MRRF: variants seen among roughly 807,000 people sequenced by gnomAD.
MRRF encodes mitochondrial ribosome recycling factor.
Under a neutral mutation model 25.1 loss-of-function variants are expected in MRRF, and 18 were observed. The ratio of observed to expected loss-of-function variants is 0.72; its 90% CI spans 0.50 to 1.06. MRRF has a LOEUF of 1.06. Ranked by LOEUF, MRRF falls within the 50% of genes least tolerant of loss-of-function variation. The probability of loss-of-function intolerance (pLI) is 0.00; values close to 1 mark genes in which losing one functional copy is unlikely to be tolerated. For missense variants in MRRF, 323 were observed against 319.3 expected, an observed-to-expected ratio of 1.01 and a Z score of -0.09; for synonymous variants, 113 against 112.1, an observed-to-expected ratio of 1.01 and a Z score of -0.05.
intron 6 of MRRF, among the ~76,000 whole-genome samples, chr9:122,322,069 T>C (rs1835922915): frequency 6.6e-6 from 1 of 152,170 alleles, no homozygotes. Context: ...TTAAAAAGAA[T>C]GTATATATAG....
intron 5 of MRRF, among the ~76,000 whole-genome samples, chr9:122,299,999 C>T (rs1834346387): frequency 6.6e-6 from 1 of 151,942 alleles, no homozygotes; most frequent in Non-Finnish European, 1.5e-5. Flanking sequence ...CAGCAGATGT[C>T]TGGGAAAGAC....
chr9:122,296,983 C>T (rs547116427), intron 5 of MRRF, among the ~76,000 whole-genome samples: 6 of 152,256 alleles, frequency 3.9e-5, no homozygotes, highest in East Asian at 1.9e-4. Context: ...CCTTCATCAG[C>T]GTCTCTGTTG....
chr9:122,314,665 A>G (rs1220431932), intron 6 of MRRF, among the ~76,000 whole-genome samples: 1 of 152,022 alleles, frequency 6.6e-6, no homozygotes, highest in Admixed American at 6.6e-5. Context: ...TTTTTTTTAG[A>G]TGATGGAGAG....
chr9:122,322,005 A>G (rs560481515), intron 6 of MRRF, among the ~76,000 whole-genome samples: 18 of 152,154 alleles, frequency 1.2e-4, no homozygotes, highest in Non-Finnish European at 2.2e-4. Context: ...CAGTTTTCCT[A>G]TCTGCAAAAT....
At chr9:122,308,920 A>G (rs1835038236) in intron 5 of MRRF, among the ~76,000 whole-genome samples, 1 of 151,938 alleles carries the variant, frequency 6.6e-6, no homozygotes, top group African/African-American at 2.4e-5. Context: ...CCAGGCTTGT[A>G]TTTTAGTCAT....
At chr9:122,301,155 C>T (rs1429503866) in intron 5 of MRRF, among the ~76,000 whole-genome samples, 1 of 152,136 alleles carries the variant, frequency 6.6e-6, no homozygotes, top group African/African-American at 2.4e-5. Flanking sequence ...AGGGAGTGTC[C>T]TGGATAACAG....
At chr9:122,301,979 C>T (rs1200798339) in intron 5 of MRRF, among the ~76,000 whole-genome samples, 1 of 151,340 alleles carries the variant, frequency 6.6e-6, no homozygotes, top group Non-Finnish European at 1.5e-5. Context: ...CCTGGCCTCA[C>T]GTGATCCACC....
chr9:122,309,078 C>T (rs1004231406), intron 5 of MRRF, among the ~76,000 whole-genome samples: 2 of 152,202 alleles, frequency 1.3e-5, no homozygotes, highest in Non-Finnish European at 2.9e-5. Flanking sequence ...TACTATTCTA[C>T]TTTCCGTCTC....
intron 2 of MRRF, 35 bp downstream of exon 2, chr9:122,271,110 C>A (rs1188658946): frequency 1.3e-6 from 2 of 1,573,436 alleles, no homozygotes; most frequent in South Asian, 1.1e-5. Context: ...TACTTCACCC[C>A]TTTCTTATAG....
At chr9:122,290,205 A>G (rs1054229218) in intron 4 of MRRF, among the ~76,000 whole-genome samples, 1 of 152,222 alleles carries the variant, frequency 6.6e-6, no homozygotes, top group African/African-American at 2.4e-5. Flanking sequence ...TAACTCTGCC[A>G]GTAACTGGAA....
chr9:122,304,062 A>AACACACACACACACACACACACAC (rs66775611), intron 5 of MRRF, among the ~76,000 whole-genome samples: 154 of 139,872 alleles, frequency 1.1e-3, no homozygotes, highest in African/African-American at 4.0e-3. Flanking sequence ...ACCCTTTTCT[A>AACACACACACACACACACACACAC]ACACACACAC....
intron 3 of MRRF, among the ~76,000 whole-genome samples, chr9:122,282,272 A>G (rs569438530): frequency 6.6e-6 from 1 of 152,132 alleles, no homozygotes; most frequent in East Asian, 1.9e-4. Flanking sequence ...ACCTTTTAAC[A>G]GTTGTCTAGA....
chr9:122,272,665 C>T (rs1489487180), intron 2 of MRRF, among the ~76,000 whole-genome samples: 3 of 152,120 alleles, frequency 2.0e-5, no homozygotes, highest in Non-Finnish European at 4.4e-5. Flanking sequence ...ATTAGGGATG[C>T]TCATTCTTTG....
At chr9:122,316,802 T>A (rs145907064) in intron 6 of MRRF, among the ~76,000 whole-genome samples, 32 of 151,778 alleles carry the variant, frequency 2.1e-4, no homozygotes, top group Admixed American at 7.2e-4. Flanking sequence ...TTTTGGAATA[T>A]TTCTTTTTTC....
intron 5 of MRRF, among the ~76,000 whole-genome samples, chr9:122,297,897 C>T (rs901443197): frequency 1.3e-5 from 2 of 152,064 alleles, no homozygotes; most frequent in African/African-American, 4.8e-5. Flanking sequence ...TTAGGAAACC[C>T]GATTGGTATT....
chr9:122,308,699 CAAAAAAAA>C (rs776774424), intron 5 of MRRF, among the ~76,000 whole-genome samples: 1 of 60,106 alleles, frequency 1.7e-5, no homozygotes, highest in Admixed American at 1.8e-4. Flanking sequence ...ACTCCATCTC[CAAAAAAAA>C]AAAAAAAAAA....
intron 4 of MRRF, chr9:122,285,662 G>C (rs770450439): frequency 3.5e-5 from 28 of 798,230 alleles, no homozygotes; most frequent in Non-Finnish European, 4.7e-5. Flanking sequence ...TGTAGGCCTG[G>C]TAATCAGTGT....
In MRRF at chr9:122,299,610, TGAAAA is replaced by T. The variant is rs368063280; in HGVS notation, c.551+7774_551+7778del. Among the ~76,000 whole-genome samples the T allele has an allele frequency of 2.8e-4, 43 of 152,016 alleles. No individual in the cohort carries two copies. The East Asian group carries it at 8.2e-3, about 29-fold the overall frequency. ...TACTTTAGAGATTAAATATAGATAA[TGAAAA>T]GAAGAGGTTTGGGGACTAAGCCTTG... On this transcript the variant is annotated intron_variant, in intron 5 of 6. Transcript: ENST00000344641.
chr9:122,289,621 G>A (rs1695632395), intron 4 of MRRF, among the ~76,000 whole-genome samples: 1 of 151,592 alleles, frequency 6.6e-6, no homozygotes, highest in South Asian at 2.1e-4. Flanking sequence ...AAGGAAGATG[G>A]CATTTCTTTT....
Sources: allele counts gnomAD v4.1 joint callset (sites outside exome capture counted in the v4.1 genomes callset), GRCh38; gene constraint gnomAD v4.1.1; transcripts MANE v1.5; gene names NCBI Gene and HGNC (gene_info 2026-07-23, HGNC 2026-07-21).